The following WWOX variants were observed in gnomAD, a reference collection of about 807,000 sequenced individuals.
WWOX encodes WW domain containing oxidoreductase, also known as WW domain-containing oxidoreductase.
Under a neutral mutation model 46.2 loss-of-function variants are expected in WWOX, and 69 were observed. The observed-to-expected ratio is 1.49, with a 90% confidence interval of 1.23 to 1.82. WWOX has a LOEUF of 1.82. Among genes scored for constraint, WWOX ranks in the 40% most tolerant of loss-of-function variants. The pLI is 0.00. For synonymous variants in WWOX, 359 were observed against 202.6 expected, an observed-to-expected ratio of 1.77 and a Z score of -6.56; for missense variants, 919 against 542.6, an observed-to-expected ratio of 1.69 and a Z score of -6.89.
At position 78,136,448 on chromosome 16, in the gene WWOX, C is replaced by G. The variant is rs146429667; in HGVS notation, c.409+21294C>G. Among the ~76,000 whole-genome samples, 81 of 152,300 alleles carry G rather than the reference C, an allele frequency of 5.3e-4. 1 individual carries two copies. Among genetic ancestry groups the G allele is most frequent in the African/African-American group, 1.8e-3 (76 of 41,570 alleles). On this transcript the variant is annotated intron_variant, in intron 4 of 8. Coordinates refer to ENST00000566780, the MANE Select transcript of WWOX (RefSeq NM_016373.4). ...GGTGTTCATTGAGTCATGTCTCTCTCTTTAGACCTTACTGGATCTAGTCTT... is the reference window on the plus strand; with the variant it reads ...GGTGTTCATTGAGTCATGTCTCTCTGTTTAGACCTTACTGGATCTAGTCTT...
At chr16:78,779,478 A>T (rs1432907026) in intron 8 of WWOX, among the ~76,000 whole-genome samples, 1 of 152,106 alleles carries the variant, frequency 6.6e-6, no homozygotes, top group Non-Finnish European at 1.5e-5. Flanking sequence ...GGCTCAGAAA[A>T]GAGTGTTTCT....
chr16:79,158,093 G>T (rs770257038), intron 8 of WWOX, among the ~76,000 whole-genome samples: 4 of 152,172 alleles, frequency 2.6e-5, no homozygotes, highest in Non-Finnish European at 5.9e-5. Context: ...AGATGTCAAA[G>T]CATGGGAGGA....
chr16:78,218,567 TCTC>T (rs1469124059), intron 5 of WWOX, among the ~76,000 whole-genome samples: 5 of 152,280 alleles, frequency 3.3e-5, no homozygotes, highest in Admixed American at 2.0e-4. Context: ...GGAAAACTAT[TCTC>T]CTTCTTCTAA....
chr16:78,632,698 A>G (rs1428157621), intron 8 of WWOX, among the ~76,000 whole-genome samples: 1 of 150,804 alleles, frequency 6.6e-6, no homozygotes, highest in Non-Finnish European at 1.5e-5. Flanking sequence ...AGCTGGGATT[A>G]CAGGTGTGCG....
intron 8 of WWOX, among the ~76,000 whole-genome samples, chr16:79,165,310 G>T (rs768577094): frequency 1.3e-5 from 2 of 152,146 alleles, no homozygotes; most frequent in Non-Finnish European, 2.9e-5. Context: ...ACATGGGTGC[G>T]TATATGTTAC....
chr16:78,178,163 G>C (rs1383768806), intron 5 of WWOX, among the ~76,000 whole-genome samples: 1 of 152,240 alleles, frequency 6.6e-6, no homozygotes, highest in Non-Finnish European at 1.5e-5. Flanking sequence ...AGGCAAGACA[G>C]CCACATGCAA....
rs573255391 is a variant in WWOX, at chr16:78,244,431, A to G, written c.516+80142A>G. 9.8e-5 allele frequency among the ~76,000 whole-genome samples: 15 copies of G among 152,328 alleles called. No homozygotes were observed. In the South Asian group the frequency reaches 3.1e-3, roughly 32 times the overall value. Reference sequence around the variant, plus strand: ...ATTTGAGACTGTGAGAGGCTTGGCAAAAGATCTAAGCTGTGAAGTATCTGG... The same window carrying G: ...ATTTGAGACTGTGAGAGGCTTGGCAGAAGATCTAAGCTGTGAAGTATCTGG... On this transcript the variant is annotated intron_variant, in intron 5 of 8. Coordinates refer to ENST00000566780, the MANE Select transcript of WWOX (RefSeq NM_016373.4).
chr16:78,244,995 G>T (rs2037771915), intron 5 of WWOX, among the ~76,000 whole-genome samples: 1 of 152,084 alleles, frequency 6.6e-6, no homozygotes, highest in South Asian at 2.1e-4. Context: ...AGTTTCAAAT[G>T]CCCAGGCCAT....
chr16:78,407,405 G>A (rs879439859), intron 6 of WWOX, among the ~76,000 whole-genome samples: 2 of 152,170 alleles, frequency 1.3e-5, no homozygotes, highest in African/African-American at 4.8e-5. Flanking sequence ...TGCTGTGTCT[G>A]AAATTGAATC....
chr16:79,150,138 C>T (rs2050250968), intron 8 of WWOX, among the ~76,000 whole-genome samples: 1 of 152,242 alleles, frequency 6.6e-6, no homozygotes, highest in Non-Finnish European at 1.5e-5. Flanking sequence ...AAGCTTAGCT[C>T]TGCTCAGTCT....
chr16:78,992,543 T>G (rs2046909017), intron 8 of WWOX, among the ~76,000 whole-genome samples: 2 of 152,184 alleles, frequency 1.3e-5, no homozygotes, highest in South Asian at 4.1e-4. Flanking sequence ...ATGCAAGTGT[T>G]GTATGGATGT....
intron 8 of WWOX, among the ~76,000 whole-genome samples, chr16:78,438,992 A>G (rs1286764677): frequency 6.6e-6 from 1 of 152,184 alleles, no homozygotes; most frequent in African/African-American, 2.4e-5. Flanking sequence ...AGGAGATAAT[A>G]GATGTTGATT....
intron 8 of WWOX, among the ~76,000 whole-genome samples, chr16:78,763,316 C>T (rs143933396): frequency 1.6e-3 from 245 of 152,338 alleles, no homozygotes; most frequent in Middle Eastern, 0.01. Flanking sequence ...GTTCCAATTT[C>T]CCATGTGATT....
At chr16:78,995,227 G>T (rs2046966352) in intron 8 of WWOX, among the ~76,000 whole-genome samples, 1 of 151,956 alleles carries the variant, frequency 6.6e-6, no homozygotes, top group African/African-American at 2.4e-5. Flanking sequence ...TGATTCCAAA[G>T]CCCATGCCCA....
Position 78,636,512 on chromosome 16 carries a change from T to G in WWOX, c.1056+203760T>G, listed in dbSNP as rs961794954. On this transcript the variant is annotated intron_variant, in intron 8 of 8. Coordinates refer to ENST00000566780, the MANE Select transcript of WWOX (RefSeq NM_016373.4). Reference sequence around the variant, plus strand: ...GGTTCTGCTGTGTACTATCTTTTTTTTCCTAATAGAAAATAGAGTAGCTGC... The same window carrying G: ...GGTTCTGCTGTGTACTATCTTTTTTGTCCTAATAGAAAATAGAGTAGCTGC... Among the ~76,000 whole-genome samples, 5 of 152,330 alleles carry G rather than the reference T, an allele frequency of 3.3e-5. No individual in the cohort carries two copies. The South Asian group carries it at 1.0e-3, about 32-fold the overall frequency.
intron 8 of WWOX, among the ~76,000 whole-genome samples, chr16:79,139,548 G>A (rs1156425255): frequency 6.6e-6 from 1 of 152,108 alleles, no homozygotes; most frequent in African/African-American, 2.4e-5. Flanking sequence ...AGCTTCTTTG[G>A]AATCGAGCTG....
intron 8 of WWOX, among the ~76,000 whole-genome samples, chr16:78,860,889 T>G (rs1048827478): frequency 2.4e-4 from 37 of 152,160 alleles, no homozygotes; most frequent in Non-Finnish European, 1.9e-4. Context: ...CAGGCTAGAG[T>G]GCAGTGGCCT....
intron 8 of WWOX, among the ~76,000 whole-genome samples, chr16:78,595,984 A>C (rs1385376112): frequency 6.6e-6 from 1 of 152,218 alleles, no homozygotes; most frequent in Non-Finnish European, 1.5e-5. Flanking sequence ...TTCAAAGGGG[A>C]TAAGACATAT....
intron 6 of WWOX, among the ~76,000 whole-genome samples, chr16:78,405,330 T>G (rs1005470924): frequency 6.6e-6 from 1 of 151,892 alleles, no homozygotes; most frequent in Non-Finnish European, 1.5e-5. Context: ...TAAAAAAAAA[T>G]TAATTAAATG....
Sources: allele counts gnomAD v4.1 joint callset (sites outside exome capture counted in the v4.1 genomes callset), GRCh38; gene constraint gnomAD v4.1.1; transcripts MANE v1.5; gene names NCBI Gene and HGNC (gene_info 2026-07-23, HGNC 2026-07-21).